KIF15: variants seen among roughly 807,000 people sequenced by gnomAD.
KIF15 encodes kinesin-like protein KIF15.
Under a neutral mutation model 190.6 loss-of-function variants are expected in KIF15, and 140 were observed. That is an observed-to-expected ratio of 0.73 (90% CI 0.64 to 0.84). The LOEUF (loss-of-function observed/expected upper bound fraction) is 0.84. Among genes scored for constraint, KIF15 ranks in the 40% least tolerant of loss-of-function variants. The pLI is 0.00. For synonymous variants in KIF15, 528 were observed against 551.3 expected, an observed-to-expected ratio of 0.96 and a Z score of 0.59; for missense variants, 1,372 against 1,584.4, an observed-to-expected ratio of 0.87 and a Z score of 2.28.
chr3:44,848,735 C>T (rs1413286067), intron 32 of KIF15, among the ~76,000 whole-genome samples, 177 bp downstream of exon 32: 1 of 152,054 alleles, frequency 6.6e-6, no homozygotes, highest in Non-Finnish European at 1.5e-5. Context: ...TCATGTGAAG[C>T]CACTTCAAAA....
intron 20 of KIF15, among the ~76,000 whole-genome samples, chr3:44,817,795 G>A (rs576187896): frequency 4.6e-5 from 7 of 152,186 alleles, no homozygotes; most frequent in Non-Finnish European, 1.0e-4. Flanking sequence ...TTGATAGCTT[G>A]ATGGGGATGG....
At chr3:44,790,898 G>A (rs1405545668) in intron 7 of KIF15, among the ~76,000 whole-genome samples, 1 of 151,918 alleles carries the variant, frequency 6.6e-6, no homozygotes, top group South Asian at 2.1e-4. Flanking sequence ...GGCCAGGATG[G>A]TCTCTATCTC....
chr3:44,856,687 G>A (rs752173622), downstream of KIF15, among the ~76,000 whole-genome samples: 57 of 152,290 alleles, frequency 3.7e-4, no homozygotes, highest in Admixed American at 1.4e-3. Context: ...TGCCCTGAGC[G>A]ATAGGATCTG....
intron 25 of KIF15, 87 bp from the exon 26 acceptor site, chr3:44,830,809 C>A: frequency 7.5e-7 from 1 of 1,330,962 alleles, no homozygotes; most frequent in Non-Finnish European, 1.0e-6. Context: ...ATCTTGTCAT[C>A]ACCTTGGAAC....
intron 26 of KIF15, among the ~76,000 whole-genome samples, chr3:44,835,943 G>A (rs1380640078): frequency 6.6e-6 from 1 of 152,180 alleles, no homozygotes; most frequent in Non-Finnish European, 1.5e-5. Context: ...GCATGGTAAT[G>A]CACGCCTGTA....
intron 20 of KIF15, among the ~76,000 whole-genome samples, chr3:44,821,179 C>T (rs1708273701): frequency 6.8e-6 from 1 of 147,400 alleles, no homozygotes; most frequent in African/African-American, 2.5e-5. Context: ...GGCAGAGGGG[C>T]TCCTCACTTC....
rs138224582 is a variant in KIF15, at chr3:44,843,195, A to G, written c.3656A>G (p.Gln1219Arg). 8 of 1,613,694 alleles carry G rather than the reference A, an allele frequency of 5.0e-6. No individual in the cohort carries two copies. The African/African-American group carries it at 9.3e-5, about 19-fold the overall frequency. Residue 1219 changes from glutamine (Q) to arginine (R), a missense_variant, in exon 30 of 35, where the codon CAA (glutamine) becomes CGA (arginine). Physicochemically the swap from Gln to Arg is conservative, Grantham distance 43. Transcript: ENST00000326047. ...TTAATAGAGAAAAACTGGCTCCTGC[A>G]AGGTCAGCTGGATGATATTAAAAGA... is the stretch of plus-strand genomic sequence containing the variant. Reference protein sequence around the residue: ...QQLIEKNWLLQGQLDDIKRQK... With the variant: ...QQLIEKNWLLRGQLDDIKRQK...
chr3:44,778,979 CAA>C (rs60269306), intron 4 of KIF15, among the ~76,000 whole-genome samples: 20 of 77,728 alleles, frequency 2.6e-4, no homozygotes, highest in East Asian at 1.5e-3. Flanking sequence ...GACTCCGCCT[CAA>C]AAAAAAAAAA....
chr3:44,856,783 C>A (rs7644166), downstream of KIF15, among the ~76,000 whole-genome samples: 4,754 of 152,214 alleles, frequency 0.031, 237 homozygotes, highest in African/African-American at 0.11. Context: ...TTAAGGAGGC[C>A]TTAATGATGG....
chr3:44,767,705 C>A (rs1392853566), intron 1 of KIF15, among the ~76,000 whole-genome samples: 1 of 151,260 alleles, frequency 6.6e-6, no homozygotes, highest in Non-Finnish European at 1.5e-5. Flanking sequence ...ACCATCCTGG[C>A]TAACAAAGTG....
chr3:44,802,587 T>C (rs1707328680), intron 13 of KIF15, among the ~76,000 whole-genome samples: 1 of 152,088 alleles, frequency 6.6e-6, no homozygotes, highest in African/African-American at 2.4e-5. Flanking sequence ...CCTCCTTAGG[T>C]GGGTGAACAT....
At position 44,821,407 on chromosome 3, in the gene KIF15, C is replaced by T. The variant is rs77829051; in HGVS notation, c.2550-4632C>T. Among the ~76,000 whole-genome samples, 64 of 133,504 alleles carry T rather than the reference C, an allele frequency of 4.8e-4. No homozygotes were observed. In the East Asian group the frequency reaches 6.7e-3, roughly 14 times the overall value. The allele number at this position is 133,504 out of a possible 152,430, so 87.6% of individuals were successfully genotyped here. A position where few individuals can be genotyped will look rare whatever the true frequency, so the allele number is the denominator to read the frequency against. Reference sequence around the variant, plus strand: ...GCGGAGGGGCTCCTCACTTCTCAGACGGGGCGGTCGGGCAGAGACGCTCCT... The same window carrying T: ...GCGGAGGGGCTCCTCACTTCTCAGATGGGGCGGTCGGGCAGAGACGCTCCT... On this transcript the variant is annotated intron_variant, in intron 20 of 34. Transcript: ENST00000326047.
intron 7 of KIF15, among the ~76,000 whole-genome samples, chr3:44,787,112 G>A (rs1706443927): frequency 6.6e-6 from 1 of 152,114 alleles, no homozygotes; most frequent in South Asian, 2.1e-4. Context: ...AAGTTACCAA[G>A]CATAATGTTA....
intron 7 of KIF15, among the ~76,000 whole-genome samples, chr3:44,793,966 G>C (rs1706845273): frequency 6.7e-6 from 1 of 149,002 alleles, no homozygotes; most frequent in Non-Finnish European, 1.5e-5. Context: ...CTGCAGCCTT[G>C]AATTCCTGGG....
At chr3:44,780,248 T>C (rs1031555159) in intron 4 of KIF15, among the ~76,000 whole-genome samples, 1 of 152,094 alleles carries the variant, frequency 6.6e-6, no homozygotes, top group Admixed American at 6.6e-5. Flanking sequence ...ACGTTTTTAC[T>C]TTTAGTTTTT....
At chr3:44,854,053 T>C (rs184665344), downstream of KIF15, among the ~76,000 whole-genome samples, 111 of 152,270 alleles carry the variant, frequency 7.3e-4, no homozygotes, top group African/African-American at 2.6e-3. Flanking sequence ...TTAAAATTGC[T>C]TTGTGATGAT....
chr3:44,774,149 T>C (rs1251092943), intron 1 of KIF15, among the ~76,000 whole-genome samples: 1 of 152,182 alleles, frequency 6.6e-6, no homozygotes, highest in Non-Finnish European at 1.5e-5. Context: ...AAGCCCCCTG[T>C]GCACAATGAC....
At chr3:44,808,713 T>C (rs1707639334) in intron 16 of KIF15, among the ~76,000 whole-genome samples, 1 of 152,132 alleles carries the variant, frequency 6.6e-6, no homozygotes, top group African/African-American at 2.4e-5. Flanking sequence ...AGAGCCTCAT[T>C]TGGATGTGAG....
chr3:44,864,069 C>T (rs1471783199), intron 6 of KIF15: 1 of 1,128,496 alleles, frequency 8.9e-7, no homozygotes, highest in East Asian at 2.4e-5. Context: ...GCTCTGAGGC[C>T]CTCTGAGCTG....
Sources: allele counts gnomAD v4.1 joint callset (sites outside exome capture counted in the v4.1 genomes callset), GRCh38; gene constraint gnomAD v4.1.1; transcripts MANE v1.5; gene names NCBI Gene and HGNC (gene_info 2026-07-23, HGNC 2026-07-21).